The following ZNF138 variants were observed in gnomAD, a reference collection of about 807,000 sequenced individuals.
ZNF138 encodes the protein zinc finger protein 138 (clone pHZ-32).
Under a neutral mutation model 33.0 loss-of-function variants are expected in ZNF138, and 33 were observed. The observed-to-expected ratio is 1.00, with a 90% CI of 0.76 to 1.34. The LOEUF is 1.34. Among genes scored for constraint, ZNF138 ranks in the 40% most tolerant of loss-of-function variants. The probability of loss-of-function intolerance (pLI) is 0.00; values close to 1 mark genes in which losing one functional copy is unlikely to be tolerated. For synonymous variants in ZNF138, 139 were observed against 120.4 expected (o/e 1.15, Z -1.01); for missense variants, 360 against 370.8 (o/e 0.97, Z 0.24).
chr7:64,832,499 C>G lies in ZNF138; in HGVS notation c.*297C>G. The G allele has an allele frequency of 1.9e-6, 2 of 1,044,584 alleles. No homozygotes were observed. Among genetic ancestry groups the G allele is most frequent in the South Asian group, 1.6e-5 (1 of 63,030 alleles). 64.7% of individuals were successfully genotyped at this position (1,044,584 alleles called of 1,614,324 possible). A position where few individuals can be genotyped will look rare whatever the true frequency, so the allele number is the denominator to read the frequency against. ...AAATTCATACTGGGGAGAAACCCCA[C>G]AAATGTGGAGAATGCGGAAAAGCCT... On this transcript the variant is annotated 3_prime_UTR_variant, in exon 4 of 4. Coordinates refer to ENST00000307355, the MANE Select transcript of ZNF138 (RefSeq NM_001271639.2).
rs1304645491 is a variant in ZNF138, at chr7:64,831,674, T to C, written c.432T>C (p.Tyr144=). 1 of 1,608,834 alleles carries C rather than the reference T, an allele frequency of 6.2e-7. No homozygotes were observed. Among genetic ancestry groups the C allele is most frequent in the Admixed American group, 1.7e-5 (1 of 58,966 alleles). ...TTSKIFQCNK[Y]VKVMHKFSNS... ...GCAAAATATTTCAATGTAATAAATA[T>C]GTAAAAGTCATGCATAAATTTTCAA... is the stretch of plus-strand genomic sequence containing the variant. Residue 144 remains tyrosine (Y), a synonymous_variant, in exon 4 of 4, where the codon TAT becomes TAC. Coordinates refer to ENST00000307355, the MANE Select transcript of ZNF138 (RefSeq NM_001271639.2).
In ZNF138 at chr7:64,832,364, G is replaced by T. The variant is rs1386418808; in HGVS notation, c.*162G>T. On this transcript the variant is annotated 3_prime_UTR_variant, in exon 4 of 4. Coordinates refer to ENST00000307355, the MANE Select transcript of ZNF138 (RefSeq NM_001271639.2). Reference sequence around the variant, plus strand: ...AAGAATGTGGCAGAGCTTTTAACCAGTCCGCAAAGCTCACTGAACATAAGT... The same window carrying T: ...AAGAATGTGGCAGAGCTTTTAACCATTCCGCAAAGCTCACTGAACATAAGT... 2 of 1,550,432 alleles carry T rather than the reference G, an allele frequency of 1.3e-6. No homozygotes were observed. Among genetic ancestry groups the T allele is most frequent in the Admixed American group, 2.0e-5 (1 of 49,156 alleles).
Position 64,831,668 on chromosome 7 carries a change from T to G in ZNF138, c.426T>G (p.Asn142Lys), listed in dbSNP as rs1397514335. The G allele has an allele frequency of 2.5e-6, 4 of 1,608,326 alleles. No individual in the cohort carries two copies. Among genetic ancestry groups the G allele is most frequent in the Non-Finnish European group, 2.5e-6 (3 of 1,177,962 alleles). The change falls in exon 4 of 4, where the codon AAT becomes AAG. Residue 142 changes from asparagine (N) to lysine (K), a missense_variant. Asn to Lys is a moderately conservative substitution (Grantham distance 94). Transcript: ENST00000307355. Reference protein sequence around the residue: ...KITTSKIFQCNKYVKVMHKFS... With the variant: ...KITTSKIFQCKKYVKVMHKFS... ...CCACAAGCAAAATATTTCAATGTAA[T>G]AAATATGTAAAAGTCATGCATAAAT...
the ZNF138 span, among the ~76,000 whole-genome samples, chr7:64,844,936 C>T: frequency 0.089 from 13,535 of 152,246 alleles, 850 homozygotes; most frequent in African/African-American, 0.17. Flanking sequence ...CTGCCCGCCT[C>T]GGCCTCCCAA....
At chr7:64,794,713 C>A in intron 1 of ZNF138, 142 bp downstream of exon 1, 1 of 1,280,178 alleles carries the variant, frequency 7.8e-7, no homozygotes, top group Non-Finnish European at 1.1e-6. Flanking sequence ...GCTCGGCCCT[C>A]AGTCCCCTTA....
At chr7:64,817,699 A>AT (rs1188748166) in intron 3 of ZNF138, among the ~76,000 whole-genome samples, 6 of 152,184 alleles carry the variant, frequency 3.9e-5, no homozygotes, top group African/African-American at 1.4e-4. Context: ...CTGTTGGGGC[A>AT]TAAAAAAATA....
downstream of ZNF138, among the ~76,000 whole-genome samples, chr7:64,835,013 A>C (rs972180895): frequency 6.6e-6 from 1 of 152,284 alleles, no homozygotes; most frequent in African/African-American, 2.4e-5. Context: ...GGGCCAGGGA[A>C]GTCGCACTGT....
chr7:64,822,973 C>T (rs1357176845), intron 3 of ZNF138, among the ~76,000 whole-genome samples: 1 of 152,066 alleles, frequency 6.6e-6, no homozygotes, highest in Non-Finnish European at 1.5e-5. Context: ...CTCCTCCTCC[C>T]TGGTTCAAGT....
chr7:64,826,643 T>A (rs768643068), intron 3 of ZNF138, among the ~76,000 whole-genome samples: 19 of 151,314 alleles, frequency 1.3e-4, no homozygotes, highest in African/African-American at 3.9e-4. Flanking sequence ...TTTTTTAAAA[T>A]TTTTTTTTAG....
chr7:64,830,936 G>C (rs1268008259), intron 3 of ZNF138: 2 of 1,549,356 alleles, frequency 1.3e-6, no homozygotes, highest in Non-Finnish European at 1.7e-6. Context: ...CTGTCTCTTT[G>C]CAGCTGTAGC....
At chr7:64,813,503 C>T (rs1362309515) in intron 1 of ZNF138, among the ~76,000 whole-genome samples, 2 of 151,052 alleles carry the variant, frequency 1.3e-5, no homozygotes, top group Non-Finnish European at 2.9e-5. Context: ...GCGGGATCTC[C>T]GCTCACTGCA....
the ZNF138 span, among the ~76,000 whole-genome samples, chr7:64,844,679 TTTG>T: frequency 2.0e-5 from 3 of 148,020 alleles, no homozygotes; most frequent in East Asian, 1.9e-4. Flanking sequence ...GTTTTTTTGT[TTTG>T]TTTTGTTTTG....
At chr7:64,848,060 GCT>G in the ZNF138 span, among the ~76,000 whole-genome samples, 1 of 152,046 alleles carries the variant, frequency 6.6e-6, no homozygotes, top group Non-Finnish European at 1.5e-5. Context: ...AGTGGCAAAT[GCT>G]CTCAGCATTT....
downstream of ZNF138, among the ~76,000 whole-genome samples, chr7:64,838,302 C>T (rs180769357): frequency 3.3e-5 from 5 of 152,298 alleles, no homozygotes; most frequent in Admixed American, 1.3e-4. Context: ...AGGGCACGGG[C>T]GTGTTGGCGG....
At chr7:64,825,649 C>T (rs1267415106) in intron 3 of ZNF138, among the ~76,000 whole-genome samples, 3 of 151,268 alleles carry the variant, frequency 2.0e-5, no homozygotes, top group African/African-American at 7.3e-5. Flanking sequence ...AAGCGATTCC[C>T]CTGCCTCAGC....
At chr7:64,845,189 T>A in the ZNF138 span, among the ~76,000 whole-genome samples, 5 of 152,230 alleles carry the variant, frequency 3.3e-5, no homozygotes, top group African/African-American at 7.2e-5. Context: ...CAATGTTTGG[T>A]TTTCCATTCC....
At chr7:64,852,336 G>T in the ZNF138 span, 27 of 1,107,132 alleles carry the variant, frequency 2.4e-5, no homozygotes, top group Admixed American at 8.5e-5. Flanking sequence ...TAATTGAAGC[G>T]ATGATAAAGG....
chr7:64,799,900 G>A (rs1429366593), intron 1 of ZNF138, among the ~76,000 whole-genome samples: 2 of 151,814 alleles, frequency 1.3e-5, no homozygotes, highest in East Asian at 2.0e-4. Context: ...CACCCACCTC[G>A]GCCTCCCAAA....
intron 2 of ZNF138, 74 bp downstream of exon 2, chr7:64,815,118 T>A (rs974101653): frequency 1.5e-6 from 2 of 1,373,368 alleles, no homozygotes; most frequent in African/African-American, 3.0e-5. Flanking sequence ...GGGTAGAATG[T>A]CTTTTGGTAA....
Sources: allele counts gnomAD v4.1 joint callset (sites outside exome capture counted in the v4.1 genomes callset), GRCh38; gene constraint gnomAD v4.1.1; transcripts MANE v1.5; gene names NCBI Gene and HGNC (gene_info 2026-07-23, HGNC 2026-07-21).